The following BRD8 variants were observed in gnomAD, a reference collection of about 807,000 sequenced individuals.
BRD8 encodes the protein bromodomain containing 8.
BRD8 carries 67 observed loss-of-function variants against 143.1 expected under a neutral mutation model. The observed-to-expected ratio is 0.47, with a 90% CI of 0.38 to 0.57. The LOEUF (loss-of-function observed/expected upper bound fraction) is 0.57. Among genes scored for constraint, BRD8 ranks in the 20% least tolerant of loss-of-function variants. BRD8 has a pLI of 0.00. For missense variants in BRD8, 1,103 were observed against 1,503.0 expected (o/e 0.73, Z 4.40); for synonymous variants, 505 against 517.1 (o/e 0.98, Z 0.32).
intron 20 of BRD8, among the ~76,000 whole-genome samples, chr5:138,153,075 G>A (rs533667011): frequency 6.6e-6 from 1 of 152,164 alleles, no homozygotes; most frequent in Non-Finnish European, 1.5e-5. Flanking sequence ...AGAAGGGAAA[G>A]AACTGGAGCA....
chr5:138,155,342 G>C (rs1020409448), intron 20 of BRD8, among the ~76,000 whole-genome samples: 3 of 151,146 alleles, frequency 2.0e-5, no homozygotes, highest in Non-Finnish European at 2.9e-5. Flanking sequence ...CCAGCTACTC[G>C]GGAGGCTAAG....
At chr5:138,141,559 TCTA>T (rs1751910979) in intron 25 of BRD8, among the ~76,000 whole-genome samples, 2 of 152,202 alleles carry the variant, frequency 1.3e-5, no homozygotes, top group Non-Finnish European at 2.9e-5. Context: ...GCCACTATAT[TCTA>T]CTATCAGAGG....
chr5:138,165,747 A>T (rs867891536), intron 11 of BRD8, 81 bp downstream of exon 11: 25 of 1,282,498 alleles, frequency 1.9e-5, no homozygotes, highest in Middle Eastern at 4.7e-4. Flanking sequence ...AAAAAAAAGC[A>T]GCAGCAGCAC....
intron 19 of BRD8, 28 bp downstream of exon 19, chr5:138,160,041 C>G: frequency 6.4e-7 from 1 of 1,555,086 alleles, no homozygotes; most frequent in Non-Finnish European, 8.9e-7. Flanking sequence ...GGAACACTGG[C>G]ACACAGGTTC....
chr5:138,167,825 G>T, intron 9 of BRD8, 109 bp downstream of exon 9: 2 of 976,038 alleles, frequency 2.0e-6, no homozygotes, highest in Non-Finnish European at 3.3e-6. Context: ...GTTAGAAAAA[G>T]TTGGGCTTTA....
intron 21 of BRD8, among the ~76,000 whole-genome samples, 164 bp downstream of exon 21, chr5:138,152,318 G>C (rs1330344145): frequency 6.6e-6 from 1 of 152,230 alleles, no homozygotes; most frequent in Admixed American, 6.5e-5. Context: ...TGCATATTCT[G>C]TATCAGCACC....
rs115373171 is a variant in BRD8 at position 138,171,353 on chromosome 5, G to C, written c.236+8C>G. 20 of 1,598,922 alleles carry C rather than the reference G, an allele frequency of 1.3e-5. No homozygotes were observed. The African/African-American group carries it at 2.3e-4, about 19-fold the overall frequency. ...AAATATGGCTGAAGTACCTGGCTTT[G>C]TACTCACTTTGGTGTCTCAGTGGTC... is the stretch of plus-strand genomic sequence containing the variant. On this transcript the variant is annotated splice_region_variant and intron_variant, in intron 4 of 26. Coordinates refer to ENST00000254900, the MANE Select transcript of BRD8 (RefSeq NM_139199.2).
Position 138,171,227 on chromosome 5 carries a change from C to T in BRD8, c.237-67G>A, listed in dbSNP as rs545749422. On this transcript the variant is annotated intron_variant, in intron 4 of 26. Transcript: ENST00000254900. ...TAACATTTATCCCCTCTCCTACTTGCTTTTACCACTTAATCATAGATAACT... is the reference window on the plus strand; with the variant it reads ...TAACATTTATCCCCTCTCCTACTTGTTTTTACCACTTAATCATAGATAACT... 76 of 1,487,342 alleles carry T rather than the reference C, an allele frequency of 5.1e-5. 1 individual carries two copies. In the South Asian group the frequency reaches 8.2e-4, roughly 16 times the overall value. 92.1% of individuals were successfully genotyped at this position (1,487,342 alleles called of 1,614,324 possible).
intron 1 of BRD8, 119 bp downstream of exon 1, chr5:138,178,477 T>G: frequency 3.1e-6 from 3 of 963,898 alleles, no homozygotes; most frequent in East Asian, 4.8e-5. Context: ...CGCAGGTCTC[T>G]GAAAACCCTG....
intron 7 of BRD8, among the ~76,000 whole-genome samples, chr5:138,169,862 G>T (rs1336346064): frequency 1.3e-5 from 2 of 152,206 alleles, no homozygotes; most frequent in African/African-American, 2.4e-5. Context: ...GGGAGGCTGA[G>T]GCAGGAGAAT....
In BRD8 at chr5:138,145,201, G is replaced by C; in HGVS notation, c.3413C>G (p.Pro1138Arg). 1 of 1,613,812 alleles carries C rather than the reference G, an allele frequency of 6.2e-7. No homozygotes were observed. Residue 1138 changes from proline (P) to arginine (R), a missense_variant, in exon 25 of 27, where the codon CCA becomes CGA. Physicochemically the swap from Pro to Arg is moderately radical, Grantham distance 103. Coordinates refer to ENST00000254900, the MANE Select transcript of BRD8 (RefSeq NM_139199.2). ...FLKPVSERQA[P>R]GYKDVVKRPM... ...CCTTTTCACCACATCCTTGTACCCT[G>C]GGGCCTGCCTTTCTGACACAGGCTT...
intron 2 of BRD8, among the ~76,000 whole-genome samples, chr5:138,173,511 TATATAC>T (rs1041347820): frequency 1.3e-5 from 2 of 152,216 alleles, no homozygotes; most frequent in African/African-American, 4.8e-5. Context: ...GAGCTCAATT[TATATAC>T]ATATACAAAT....
chr5:138,164,746 C>T lies in BRD8; in HGVS notation c.1699G>A (p.Asp567Asn), dbSNP rs1753262602. The T allele has an allele frequency of 2.5e-6, 4 of 1,614,212 alleles. No individual in the cohort carries two copies. Among genetic ancestry groups the T allele is most frequent in the South Asian group, 1.1e-5 (1 of 91,082 alleles). ...VEADVAIGKG[D>N]ETPLTNVKTE... Reference sequence around the variant, plus strand: ...TTCACATTTGTAAGTGGAGTCTCATCGCCTTTCCCAATGGCAACATCTGCT... The same window carrying T: ...TTCACATTTGTAAGTGGAGTCTCATTGCCTTTCCCAATGGCAACATCTGCT... Residue 567 changes from aspartate to asparagine, a missense_variant, in exon 12 of 27, where the codon GAT (aspartate) becomes AAT (asparagine). Asp to Asn is a conservative substitution (Grantham distance 23, BLOSUM62 1). This residue lies in a region of BRD8 where 139 missense variants were observed against 139.0 expected (regional missense o/e 1.00). Coordinates refer to ENST00000254900, the MANE Select transcript of BRD8 (RefSeq NM_139199.2).
intron 17 of BRD8, 89 bp from the exon 18 acceptor site, chr5:138,161,157 A>G: frequency 9.6e-7 from 1 of 1,045,374 alleles, no homozygotes; most frequent in Non-Finnish European, 1.3e-6. Flanking sequence ...AGACTTTCTC[A>G]TATATACCTT....
Position 138,168,749 on chromosome 5 carries a change from C to T in BRD8, c.642+473G>A, listed in dbSNP as rs1046916427. 8 of 866,372 alleles carry T rather than the reference C, an allele frequency of 9.2e-6. No individual in the cohort carries two copies. In the African/African-American group the frequency reaches 1.3e-4, roughly 15 times the overall value. 53.7% of individuals were successfully genotyped at this position (866,372 alleles called of 1,614,324 possible). A position where few individuals can be genotyped will look rare whatever the true frequency, so the allele number is the denominator to read the frequency against. ...AAACTATGGAAGGTTCCCTACTAAT[C>T]TGTATGGGTTAGTGTGTCTAACTAT... On this transcript the variant is annotated intron_variant, in intron 8 of 26. Coordinates refer to ENST00000254900, the MANE Select transcript of BRD8 (RefSeq NM_139199.2).
Position 138,177,560 on chromosome 5 carries a change from A to T in BRD8, c.116+11T>A. 6.3e-7 allele frequency: 1 copy of T among 1,580,446 alleles called. No homozygotes were observed. Among genetic ancestry groups the T allele is most frequent in the Non-Finnish European group, 8.7e-7 (1 of 1,150,814 alleles). On this transcript the variant is annotated intron_variant, in intron 2 of 26. Transcript: ENST00000254900. Reference sequence around the variant, plus strand: ...TAAGACCCAGAAAAGCTGACATCCTAGATACCTTACCAATTTTGATCGCCA... The same window carrying T: ...TAAGACCCAGAAAAGCTGACATCCTTGATACCTTACCAATTTTGATCGCCA...
chr5:138,159,503 G>A, intron 20 of BRD8, 52 bp downstream of exon 20: 1 of 1,589,200 alleles, frequency 6.3e-7, no homozygotes. Context: ...CCCCCATTAA[G>A]AGCTGAGAAT....
At chr5:138,172,721 T>C in intron 2 of BRD8, 1 of 405,498 alleles carries the variant, frequency 2.5e-6, no homozygotes, top group Non-Finnish European at 4.8e-6. Context: ...GGTGCGTACC[T>C]GCGGCCTGTG....
chr5:138,161,108 AAAGAGGAC>A (rs1752965836), intron 17 of BRD8, 40 bp from the exon 18 acceptor site: 2 of 1,521,354 alleles, frequency 1.3e-6, no homozygotes, highest in Non-Finnish European at 1.8e-6. Flanking sequence ...GTGGGGATGG[AAAGAGGAC>A]GCACCTAGAT....
Sources: gnomAD v4.1 joint callset for allele counts (sites outside exome capture counted in the v4.1 genomes callset) on GRCh38, gnomAD v4.1.1 for gene constraint, gnomAD v4.1.1 regional missense constraint, MANE v1.5 for transcripts, NCBI Gene and HGNC (gene_info 2026-07-23, HGNC 2026-07-21) for gene names.